TRPC5: variants seen among roughly 807,000 people sequenced by gnomAD.
The protein encoded by TRPC5 is transient receptor potential cation channel subfamily C member 5, also known as short transient receptor potential channel 5.
Under a neutral mutation model 56.5 loss-of-function variants are expected in TRPC5, and 9 were observed. The observed-to-expected ratio is 0.16, with a 90% CI of 0.10 to 0.28. TRPC5 has a LOEUF of 0.28. TRPC5 is among the 10% of genes least tolerant of loss of function. The probability of loss-of-function intolerance (pLI) is 1.00; values close to 1 mark genes in which losing one functional copy is unlikely to be tolerated. For synonymous variants in TRPC5, 282 were observed against 278.5 expected (o/e 1.01, Z -0.13); for missense variants, 469 against 748.9 (o/e 0.63, Z 4.36).
At chrX:112,068,135 C>T (rs1230245076) in intron 1 of TRPC5, among the ~76,000 whole-genome samples, 1 of 112,059 alleles carries the variant, frequency 8.9e-6, no homozygotes, top group African/African-American at 3.3e-5. Flanking sequence ...TGCTCCTGCA[C>T]TTTCAAAATG....
At chrX:111,995,686 A>G (rs780246963) in intron 1 of TRPC5, among the ~76,000 whole-genome samples, 1 of 111,549 alleles carries the variant, frequency 9.0e-6, no homozygotes, top group East Asian at 2.8e-4. Flanking sequence ...TTCCTAGTTT[A>G]GTTCTGGGAA....
chrX:111,947,179 C>G (rs143116971), intron 2 of TRPC5, among the ~76,000 whole-genome samples: 4,206 of 111,140 alleles, frequency 0.038, 208 homozygotes, highest in African/African-American at 0.13. Context: ...TGCTGGGAAT[C>G]CTGACTTACT....
In TRPC5 at chrX:111,881,714, G is replaced by T. The variant is rs1036028239; in HGVS notation, c.901-27608C>A. The stretch of plus-strand genomic sequence containing the variant: ...CTGTTTCCTGTCGCAGTGTGGTTAA[G>T]GTAAGTAAACTGCCAATTGCTCATT... On this transcript the variant is annotated intron_variant, in intron 3 of 10. Coordinates refer to ENST00000262839, the MANE Select transcript of TRPC5 (RefSeq NM_012471.3). Among the ~76,000 whole-genome samples the T allele has an allele frequency of 1.2e-4, 13 of 110,486 alleles. 1 individual carries two copies. Among genetic ancestry groups the T allele is most frequent in the Admixed American group, 1.1e-3 (11 of 10,298 alleles).
chrX:112,057,963 A>G (rs754924350), intron 1 of TRPC5, among the ~76,000 whole-genome samples: 4 of 111,432 alleles, frequency 3.6e-5, no homozygotes, highest in East Asian at 5.7e-4. Flanking sequence ...ATTTTATTCA[A>G]AAGATGGTAA....
chrX:112,049,432 T>TAC (rs762624712), intron 1 of TRPC5, among the ~76,000 whole-genome samples: 1,599 of 104,192 alleles, frequency 0.015, 23 homozygotes, highest in African/African-American at 0.036. Flanking sequence ...CGCATATATA[T>TAC]ACACACACAC....
chrX:111,787,480 C>T lies in TRPC5; in HGVS notation c.1897-5342G>A, dbSNP rs193035870. On this transcript the variant is annotated intron_variant, in intron 7 of 10. Coordinates refer to ENST00000262839, the MANE Select transcript of TRPC5 (RefSeq NM_012471.3). ...GAAAGATCTAAAATGGACACCCTAA[C>T]ATCACAATTAAAAGAACTAGAGAAG... Among the ~76,000 whole-genome samples the T allele has an allele frequency of 3.2e-3, 348 of 109,150 alleles. 8 individuals carry two copies. In the East Asian group the frequency reaches 0.081, roughly 25 times the overall value. 94.8% of individuals were successfully genotyped at this position (109,150 alleles called of 115,157 possible). A position where few individuals can be genotyped will look rare whatever the true frequency, so the allele number is the denominator to read the frequency against.
At chrX:111,952,526 G>T in intron 1 of TRPC5, 85 bp from the exon 2 acceptor site, 2 of 954,925 alleles carry the variant, frequency 2.1e-6, no homozygotes, top group Non-Finnish European at 2.8e-6. Flanking sequence ...GCCCTGCTAA[G>T]GGGTTAGAAA....
At chrX:111,888,571 G>C (rs150853337) in intron 3 of TRPC5, among the ~76,000 whole-genome samples, 1,248 of 105,447 alleles carry the variant, frequency 0.012, 24 homozygotes, top group African/African-American at 0.041. Context: ...GCAGGTGCCT[G>C]TAATCCCAGC....
intron 1 of TRPC5, among the ~76,000 whole-genome samples, chrX:112,008,024 A>G (rs190495394): frequency 1.5e-3 from 165 of 111,934 alleles, no homozygotes; most frequent in Non-Finnish European, 1.8e-3. Flanking sequence ...GTGTCCAGCT[A>G]TACTCTAAAT....
intron 1 of TRPC5, among the ~76,000 whole-genome samples, chrX:111,969,450 T>C (rs1052486266): frequency 8.9e-6 from 1 of 111,966 alleles, no homozygotes; most frequent in African/African-American, 3.2e-5. Context: ...CTTTGTTAAA[T>C]GAGTTCCAAA....
chrX:111,885,410 G>A (rs1231743443), intron 3 of TRPC5, among the ~76,000 whole-genome samples: 1 of 111,363 alleles, frequency 9.0e-6, no homozygotes, highest in Non-Finnish European at 1.9e-5. Flanking sequence ...CTAATTAAAG[G>A]TTGGTCAAGA....
intron 3 of TRPC5, among the ~76,000 whole-genome samples, chrX:111,893,095 TC>T (rs770182885): frequency 9.3e-5 from 10 of 108,092 alleles, no homozygotes; most frequent in Non-Finnish European, 1.2e-4. Flanking sequence ...TTTTTTTTTT[TC>T]GGATACCAGA....
intron 7 of TRPC5, among the ~76,000 whole-genome samples, chrX:111,805,133 G>A (rs1261261978): frequency 8.9e-6 from 1 of 111,938 alleles, no homozygotes; most frequent in African/African-American, 3.2e-5. Context: ...CGTTGGTTCT[G>A]ATTACGTGAT....
intron 1 of TRPC5, among the ~76,000 whole-genome samples, chrX:111,970,458 T>C (rs1927748268): frequency 9.0e-6 from 1 of 111,435 alleles, no homozygotes; most frequent in Admixed American, 9.6e-5. Flanking sequence ...GCATATCGGG[T>C]GCTCTAAAAC....
chrX:112,019,822 A>AT (rs1265883279), intron 1 of TRPC5, among the ~76,000 whole-genome samples: 4 of 109,256 alleles, frequency 3.7e-5, no homozygotes, highest in African/African-American at 6.7e-5. Flanking sequence ...ATCTCATGTT[A>AT]TTTTTTTTTC....
chrX:111,790,214 G>C (rs1381207806), intron 7 of TRPC5, among the ~76,000 whole-genome samples: 3 of 111,770 alleles, frequency 2.7e-5, no homozygotes, highest in Non-Finnish European at 5.6e-5. Context: ...ATACACCATG[G>C]AATACTATGC....
chrX:111,892,450 T>A lies in TRPC5; in HGVS notation c.900+19841A>T, dbSNP rs138854241. Among the ~76,000 whole-genome samples the A allele has an allele frequency of 6.7e-3, 752 of 112,351 alleles. 2 individuals are homozygous for A. Among genetic ancestry groups the A allele is most frequent in the Admixed American group, 0.012 (124 of 10,627 alleles). ...ACAATACGAGGTGGAGGGCATTCTC[T>A]GTGCAACTGGCAGTGTGTTGGAGGC... On this transcript the variant is annotated intron_variant, in intron 3 of 10. Coordinates refer to ENST00000262839, the MANE Select transcript of TRPC5 (RefSeq NM_012471.3).
chrX:112,054,380 C>G (rs1930289485), intron 1 of TRPC5, among the ~76,000 whole-genome samples: 1 of 110,598 alleles, frequency 9.0e-6, no homozygotes, highest in African/African-American at 3.3e-5. Context: ...GGTAGCACAC[C>G]AAGATGAGGT....
Position 111,772,391 on chromosome X carries a change from G to C in TRPC5, c.*3922C>G, listed in dbSNP as rs915056956. ...ACTATGTCTATATGAGCAATCTTTT[G>C]AAAACTTGATTACCAAGAAAATATA... On this transcript the variant is annotated 3_prime_UTR_variant, in exon 11 of 11. Transcript: ENST00000262839. Among the ~76,000 whole-genome samples the C allele has an allele frequency of 1.8e-5, 2 of 111,922 alleles. No individual in the cohort carries two copies. The highest frequency in any genetic ancestry group is 9.5e-5 in the Admixed American group (1 of 10,537).
Sources: gnomAD v4.1 joint callset for allele counts (sites outside exome capture counted in the v4.1 genomes callset) on GRCh38, gnomAD v4.1.1 for gene constraint, MANE v1.5 for transcripts, NCBI Gene and HGNC (gene_info 2026-07-23, HGNC 2026-07-21) for gene names.